LIPA: variants seen among roughly 807,000 people sequenced by gnomAD.
The protein encoded by LIPA is lysosomal acid lipase/cholesteryl ester hydrolase.
In LIPA, 26 loss-of-function variants were observed where a neutral mutation model predicts 40.6. That is an observed-to-expected ratio of 0.64 (90% CI 0.47 to 0.89). The LOEUF (loss-of-function observed/expected upper bound fraction) is 0.89. LIPA is among the 40% of genes least tolerant of loss of function. The pLI is 0.00. For missense variants in LIPA, 455 were observed against 479.6 expected (o/e 0.95, Z 0.48); for synonymous variants, 188 against 168.4 (o/e 1.12, Z -0.90).
chr10:89,250,719 G>A (rs2133475703), intron 1 of LIPA, among the ~76,000 whole-genome samples: 1 of 152,258 alleles, frequency 6.6e-6, no homozygotes, highest in East Asian at 1.9e-4. Flanking sequence ...AACAGCTAAA[G>A]CTACTCAGCT....
intron 1 of LIPA, among the ~76,000 whole-genome samples, chr10:89,289,976 C>G (rs988224079): frequency 1.4e-5 from 2 of 139,158 alleles, no homozygotes; most frequent in African/African-American, 5.5e-5. Flanking sequence ...GAGGCCTTGA[C>G]TTACTCACTG....
intron 2 of LIPA, chr10:89,402,443 C>T (rs756159382): frequency 3.1e-6 from 5 of 1,614,050 alleles, no homozygotes; most frequent in African/African-American, 2.7e-5. Flanking sequence ...GAATACACAA[C>T]CTACTAGCCT....
chr10:89,288,482 A>G (rs1176636380), intron 1 of LIPA, among the ~76,000 whole-genome samples: 1 of 152,132 alleles, frequency 6.6e-6, no homozygotes. Context: ...AAATTCTTAC[A>G]CAAGAGCCAG....
chr10:89,310,423 G>A (rs1047761563), intron 1 of LIPA, among the ~76,000 whole-genome samples: 1 of 152,190 alleles, frequency 6.6e-6, no homozygotes, highest in South Asian at 2.1e-4. Flanking sequence ...CTTGTGTTAG[G>A]ATCCCTACCA....
intron 1 of LIPA, among the ~76,000 whole-genome samples, chr10:89,296,780 T>C (rs755157845): frequency 1.2e-4 from 19 of 152,220 alleles, no homozygotes; most frequent in Non-Finnish European, 2.1e-4. Flanking sequence ...CTGACCTCAA[T>C]CTTTGAGGTA....
chr10:89,335,887 A>G (rs1261876332), intron 1 of LIPA, among the ~76,000 whole-genome samples: 1 of 152,186 alleles, frequency 6.6e-6, no homozygotes, highest in Non-Finnish European at 1.5e-5. Context: ...GTTATAACTT[A>G]CTTTTGGTAT....
At chr10:89,402,862 A>G (rs895817822) in intron 2 of LIPA, 13 of 1,614,098 alleles carry the variant, frequency 8.1e-6, no homozygotes, top group Non-Finnish European at 8.5e-6. Flanking sequence ...TTAGCCACAA[A>G]AAATCACAAG....
At chr10:89,289,974 G>A (rs1057094367) in intron 1 of LIPA, among the ~76,000 whole-genome samples, 1 of 134,782 alleles carries the variant, frequency 7.4e-6, no homozygotes, top group Non-Finnish European at 1.5e-5. Flanking sequence ...CTGAGGCCTT[G>A]ACTTACTCAC....
At chr10:89,279,323 A>G (rs1248180408) in intron 1 of LIPA, among the ~76,000 whole-genome samples, 1 of 152,216 alleles carries the variant, frequency 6.6e-6, no homozygotes, top group East Asian at 1.9e-4. Context: ...AGTTAAGCCA[A>G]AGAGGACTAT....
intron 1 of LIPA, among the ~76,000 whole-genome samples, chr10:89,300,739 A>C (rs1189218207): frequency 1.3e-5 from 2 of 151,948 alleles, no homozygotes; most frequent in African/African-American, 2.4e-5. Flanking sequence ...GTAATCCCAG[A>C]ACTTTGGCAG....
At chr10:89,222,738 T>C (rs1056086579) in intron 7 of LIPA, among the ~76,000 whole-genome samples, 156 bp from the exon 8 acceptor site, 8 of 152,248 alleles carry the variant, frequency 5.3e-5, no homozygotes, top group African/African-American at 1.9e-4. Flanking sequence ...ACTAAAAATC[T>C]GCCCTATAAA....
intron 1 of LIPA, among the ~76,000 whole-genome samples, chr10:89,301,176 T>C (rs1324674071): frequency 2.0e-5 from 3 of 152,250 alleles, no homozygotes; most frequent in Non-Finnish European, 4.4e-5. Context: ...CAGAGTTTCA[T>C]AGCATAAAGG....
intron 1 of LIPA, among the ~76,000 whole-genome samples, chr10:89,257,145 G>A (rs1843185582): frequency 6.6e-6 from 1 of 152,212 alleles, no homozygotes; most frequent in Admixed American, 6.5e-5. Context: ...GACAGTTGCT[G>A]AATAGACATC....
intron 2 of LIPA, chr10:89,393,074 A>G: frequency 1.7e-6 from 2 of 1,163,376 alleles, no homozygotes; most frequent in Non-Finnish European, 2.3e-6. Context: ...AGGAATGGAC[A>G]GCTTGTCTGA....
At chr10:89,339,984 C>T (rs1210317975) in intron 1 of LIPA, 1 of 1,614,068 alleles carries the variant, frequency 6.2e-7, no homozygotes, top group Admixed American at 1.7e-5. Context: ...AGGAACTGGG[C>T]CGCCTGCTAA....
chr10:89,337,003 A>G (rs941032940), intron 1 of LIPA, among the ~76,000 whole-genome samples: 24 of 152,358 alleles, frequency 1.6e-4, no homozygotes, highest in African/African-American at 5.3e-4. Flanking sequence ...TTCCAACTAC[A>G]AAACAAAAAT....
chr10:89,318,015 G>A (rs1038253599), intron 1 of LIPA, among the ~76,000 whole-genome samples: 3 of 152,142 alleles, frequency 2.0e-5, no homozygotes, highest in African/African-American at 7.2e-5. Context: ...ACAAGCAAAG[G>A]CTGAGAGATT....
chr10:89,340,048 G>A, intron 1 of LIPA: 1 of 1,614,212 alleles, frequency 6.2e-7, no homozygotes, highest in Non-Finnish European at 8.5e-7. Context: ...TGAGCTTGAG[G>A]ATGGTAGTGA....
chr10:89,287,609 C>G (rs1843347976), intron 1 of LIPA, among the ~76,000 whole-genome samples: 1 of 152,050 alleles, frequency 6.6e-6, no homozygotes, highest in African/African-American at 2.4e-5. Flanking sequence ...CCTCTACTCC[C>G]TCCTTGGTGA....
Sources: gnomAD v4.1 joint callset for allele counts (sites outside exome capture counted in the v4.1 genomes callset) on GRCh38, gnomAD v4.1.1 for gene constraint, MANE v1.5 for transcripts, NCBI Gene and HGNC (gene_info 2026-07-23, HGNC 2026-07-21) for gene names.